The following CYBB variants were observed in gnomAD, a reference collection of about 807,000 sequenced individuals.
CYBB encodes NADPH oxidase 2.
A neutral mutation model predicts 46.5 loss-of-function variants in CYBB; 5 were observed. The ratio of observed to expected loss-of-function variants is 0.11; its 90% confidence interval spans 0.06 to 0.23. CYBB has a LOEUF of 0.23. CYBB is among the 10% of genes least tolerant of loss of function. CYBB has a pLI of 1.00. For missense variants in CYBB, 307 were observed against 428.3 expected, an observed-to-expected ratio of 0.72 and a Z score of 2.50; for synonymous variants, 183 against 156.7, an observed-to-expected ratio of 1.17 and a Z score of -1.26.
At chrX:37,787,104 G>A (rs1383317206) in intron 3 of CYBB, among the ~76,000 whole-genome samples, 2 of 111,886 alleles carry the variant, frequency 1.8e-5, no homozygotes, top group South Asian at 3.7e-4. Flanking sequence ...ATGAGCTTAA[G>A]GAGCTTAGAG....
At chrX:37,804,945 C>G in intron 9 of CYBB, 61 bp from the exon 10 acceptor site, 3 of 1,085,461 alleles carry the variant, frequency 2.8e-6, no homozygotes, top group Non-Finnish European at 3.8e-6. Flanking sequence ...ATTATGGGTG[C>G]CCCATCTCAC....
chrX:37,805,620 C>T (rs1309126339), intron 10 of CYBB, among the ~76,000 whole-genome samples: 1 of 111,285 alleles, frequency 9.0e-6, no homozygotes, highest in African/African-American at 3.3e-5. Flanking sequence ...TAAATGATCT[C>T]TTCATGTTCT....
chrX:37,807,752 A>G (rs1295510947), intron 11 of CYBB, among the ~76,000 whole-genome samples: 2 of 111,634 alleles, frequency 1.8e-5, no homozygotes, highest in Non-Finnish European at 3.8e-5. Context: ...GTGTGTGTAC[A>G]ATGAGAGTGC....
At chrX:37,797,749 G>A (rs1487909160) in intron 6 of CYBB, among the ~76,000 whole-genome samples, 1 of 111,745 alleles carries the variant, frequency 8.9e-6, no homozygotes, top group Non-Finnish European at 1.9e-5. Context: ...ACAGCTGAAG[G>A]AACTGAGGCT....
chrX:37,803,927 G>T lies in CYBB; in HGVS notation c.948G>T (p.Gly316=), dbSNP rs139761069. The change falls in exon 9 of 13, where the codon GGG becomes GGT. Residue 316 remains glycine, a synonymous_variant. Transcript: ENST00000378588. The stretch of plus-strand genomic sequence containing the variant: ...TCGAGCTACAGATGAAGAAGAAGGG[G>T]TTCAAAATGGAAGTGGGACAATACA... ...KTIELQMKKK[G]FKMEVGQYIF... is the part of the protein sequence containing the mutation. 14 of 1,209,092 alleles carry T rather than the reference G, an allele frequency of 1.2e-5. No homozygotes were observed. The African/African-American group carries it at 1.7e-4, about 15-fold the overall frequency.
At chrX:37,786,810 G>A (rs782677328) in intron 3 of CYBB, among the ~76,000 whole-genome samples, 33 of 111,149 alleles carry the variant, frequency 3.0e-4, no homozygotes, top group Non-Finnish European at 5.7e-4. Flanking sequence ...GGTTTTATCT[G>A]TTACCTTATA....
At chrX:37,783,362 G>T in intron 2 of CYBB, 128 bp from the exon 3 acceptor site, 3 of 511,169 alleles carry the variant, frequency 5.9e-6, no homozygotes, top group Non-Finnish European at 1.1e-5. Flanking sequence ...TGGCTCTGAA[G>T]GACCTTCCTG....
Position 37,799,016 on chromosome X carries a change from C to A in CYBB, c.736C>A (p.Gln246Lys). The change falls in exon 7 of 13, where the codon CAA becomes AAA. Residue 246 changes from glutamine to lysine, a missense_variant. Coordinates refer to ENST00000378588, the MANE Select transcript of CYBB (RefSeq NM_000397.4). ...LAVHNITVCE[Q>K]KISEWGKIKE... ...TGTGCATAATATAACAGTTTGTGAA[C>A]AAAAAATCTCAGAATGGGGAAAAAT... The A allele has an allele frequency of 8.3e-7, 1 of 1,207,125 alleles. No individual in the cohort carries two copies. Among genetic ancestry groups the A allele is most frequent in the Non-Finnish European group, 1.1e-6 (1 of 891,858 alleles).
intron 2 of CYBB, 105 bp downstream of exon 2, chrX:37,782,288 C>T: frequency 1.8e-6 from 1 of 560,533 alleles, no homozygotes; most frequent in Admixed American, 2.6e-5. Context: ...TCTGACCAAC[C>T]CAAACAGTAC....
chrX:37,810,700 G>A (rs1929653840), intron 12 of CYBB, 91 bp from the exon 13 acceptor site: 11 of 962,584 alleles, frequency 1.1e-5, no homozygotes, highest in Non-Finnish European at 1.6e-5. Context: ...ACTCTGCCCT[G>A]GGGCCTCAAA....
intron 2 of CYBB, among the ~76,000 whole-genome samples, chrX:37,782,724 T>C (rs1928977094): frequency 8.9e-6 from 1 of 111,918 alleles, no homozygotes; most frequent in Non-Finnish European, 1.9e-5. Flanking sequence ...TTTAGTATTC[T>C]GAGTTTCCTT....
chrX:37,799,485 A>C (rs1343863669), intron 7 of CYBB, among the ~76,000 whole-genome samples: 2 of 111,707 alleles, frequency 1.8e-5, no homozygotes, highest in Non-Finnish European at 3.8e-5. Context: ...ATACCAGCAC[A>C]TAATACTTTC....
intron 6 of CYBB, among the ~76,000 whole-genome samples, chrX:37,796,861 T>C (rs935412877): frequency 9.8e-5 from 11 of 111,911 alleles, no homozygotes; most frequent in African/African-American, 3.6e-4. Context: ...GTGGCCCAGC[T>C]GAGATTGGAG....
At chrX:37,782,278 T>C (rs1928968713) in intron 2 of CYBB, 95 bp downstream of exon 2, 6 of 613,427 alleles carry the variant, frequency 9.8e-6, no homozygotes, top group Non-Finnish European at 1.6e-5. Flanking sequence ...AAATACATAT[T>C]CTGACCAACC....
At chrX:37,780,306 T>C (rs782610621) in intron 1 of CYBB, among the ~76,000 whole-genome samples, 184 bp downstream of exon 1, 2 of 111,924 alleles carry the variant, frequency 1.8e-5, no homozygotes, top group East Asian at 5.6e-4. Context: ...GGAAAGAACA[T>C]ATCTGGGGGC....
Position 37,782,122 on chromosome X carries a change from T to C in CYBB, c.80T>C (p.Val27Ala). The C allele has an allele frequency of 8.3e-7, 1 of 1,210,739 alleles. No individual in the cohort carries two copies. Among genetic ancestry groups the C allele is most frequent in the Non-Finnish European group, 1.1e-6 (1 of 894,376 alleles). ...CTGGGGTTGAACGTCTTCCTCTTTGTCTGGTATTACCGGGTTTATGATATT... is the reference window on the plus strand; with the variant it reads ...CTGGGGTTGAACGTCTTCCTCTTTGCCTGGTATTACCGGGTTTATGATATT... ...VWLGLNVFLF[V>A]WYYRVYDIPP... is the part of the protein sequence containing the mutation. Residue 27 changes from valine (V) to alanine (A), a missense_variant, in exon 2 of 13, where the codon GTC becomes GCC. Val to Ala is a moderately conservative substitution (Grantham distance 64, BLOSUM62 0). Around this residue, in one of 3 missense-constraint regions of CYBB, gnomAD observed 103 missense variants for 150.2 expected, o/e 0.69. Transcript: ENST00000378588.
chrX:37,791,079 A>G (rs1356035346), intron 3 of CYBB, among the ~76,000 whole-genome samples: 1 of 111,852 alleles, frequency 8.9e-6, no homozygotes, highest in Non-Finnish European at 1.9e-5. Context: ...AGTATTTTTA[A>G]TGCCAAAGGA....
intron 3 of CYBB, among the ~76,000 whole-genome samples, chrX:37,784,372 TG>T (rs1556465004): frequency 9.0e-6 from 1 of 111,152 alleles, no homozygotes; most frequent in Admixed American, 9.6e-5. Context: ...TTGTGTCAGG[TG>T]GGGCAGAGAA....
chrX:37,793,709 A>G lies in CYBB; in HGVS notation c.382A>G (p.Asn128Asp). The G allele has an allele frequency of 2.5e-6, 3 of 1,207,598 alleles. No homozygotes were observed. Among genetic ancestry groups the G allele is most frequent in the Non-Finnish European group, 3.4e-6 (3 of 892,473 alleles). ...TCTATTTAATGTGGAATGGTGTGTG[A>G]ATGCCCGAGTCAATAATTCTGATCC... ...AHLFNVEWCV[N>D]ARVNNSDPYS... The change falls in exon 5 of 13, where the codon AAT (asparagine) becomes GAT (aspartate). Residue 128 changes from asparagine (N) to aspartate (D), a missense_variant. Transcript: ENST00000378588.
Sources: gnomAD v4.1 joint callset for allele counts (sites outside exome capture counted in the v4.1 genomes callset) on GRCh38, gnomAD v4.1.1 for gene constraint, gnomAD v4.1.1 regional missense constraint, MANE v1.5 for transcripts, NCBI Gene and HGNC (gene_info 2026-07-23, HGNC 2026-07-21) for gene names.